The following PARD3 variants were observed in gnomAD, a reference collection of about 807,000 sequenced individuals.
PARD3 encodes the protein par-3 family cell polarity regulator, also known as partitioning defective 3 homolog.
A neutral mutation model predicts 155.4 loss-of-function variants in PARD3; 75 were observed. The observed-to-expected ratio is 0.48, with a 90% CI of 0.40 to 0.58. The LOEUF (loss-of-function observed/expected upper bound fraction) is 0.58. Among genes scored for constraint, PARD3 ranks in the 20% least tolerant of loss-of-function variants. The probability of loss-of-function intolerance (pLI) is 0.00; values close to 1 mark genes in which losing one functional copy is unlikely to be tolerated. For missense variants in PARD3, 1,642 were observed against 1,721.7 expected (o/e 0.95, Z 0.82); for synonymous variants, 576 against 610.5 (o/e 0.94, Z 0.83).
intron 2 of PARD3, among the ~76,000 whole-genome samples, chr10:34,671,961 G>A (rs1409983390): frequency 2.6e-5 from 4 of 151,960 alleles, no homozygotes; most frequent in Non-Finnish European, 5.9e-5. Context: ...GATTGCTGGA[G>A]GACAGGCATT....
chr10:34,431,785 C>CCTGTA (rs2075920925), intron 5 of PARD3, among the ~76,000 whole-genome samples: 1 of 134,136 alleles, frequency 7.5e-6, no homozygotes, highest in South Asian at 2.3e-4. Context: ...TATGGTGGCT[C>CCTGTA]ATGCCTGTAA....
chr10:34,614,704 T>C (rs527446581), intron 2 of PARD3, among the ~76,000 whole-genome samples: 1 of 152,224 alleles, frequency 6.6e-6, no homozygotes, highest in Non-Finnish European at 1.5e-5. Flanking sequence ...TTAAGTACAT[T>C]TCCTATTGCC....
intron 20 of PARD3, among the ~76,000 whole-genome samples, chr10:34,295,424 C>T (rs541082989): frequency 2.6e-5 from 4 of 152,190 alleles, no homozygotes; most frequent in African/African-American, 9.7e-5. Flanking sequence ...ATCCCATTTC[C>T]ATCTTCTCAG....
At chr10:34,155,234 T>G (rs1948950495) in intron 22 of PARD3, among the ~76,000 whole-genome samples, 1 of 152,176 alleles carries the variant, frequency 6.6e-6, no homozygotes, top group Admixed American at 6.5e-5. Flanking sequence ...GACTGGGGAC[T>G]GATTATTCTT....
At chr10:34,257,638 A>G (rs937363698) in intron 22 of PARD3, among the ~76,000 whole-genome samples, 1 of 152,206 alleles carries the variant, frequency 6.6e-6, no homozygotes, top group Non-Finnish European at 1.5e-5. Context: ...TTGCCTGCTA[A>G]CGACCAAAGT....
At chr10:34,788,103 G>T (rs945130256) in intron 1 of PARD3, among the ~76,000 whole-genome samples, 1 of 152,012 alleles carries the variant, frequency 6.6e-6, no homozygotes, top group Non-Finnish European at 1.5e-5. Flanking sequence ...CATTTATAAA[G>T]CACAAATGGG....
intron 1 of PARD3, among the ~76,000 whole-genome samples, chr10:34,802,794 T>C (rs1311806546): frequency 6.6e-6 from 1 of 152,114 alleles, no homozygotes; most frequent in Non-Finnish European, 1.5e-5. Context: ...CTAGTGAGAC[T>C]TAATCACTGG....
intron 22 of PARD3, among the ~76,000 whole-genome samples, chr10:34,159,523 T>A (rs1029044844): frequency 6.6e-6 from 1 of 152,216 alleles, no homozygotes; most frequent in Admixed American, 6.5e-5. Context: ...CAAAAAATTG[T>A]GGGAGATAGG....
chr10:34,384,052 T>A, intron 8 of PARD3, 77 bp downstream of exon 8: 1 of 1,425,458 alleles, frequency 7.0e-7, no homozygotes, highest in Non-Finnish European at 9.7e-7. Context: ...CACAGACATG[T>A]TTGAAGCATT....
At chr10:34,349,398 G>A (rs1028377023) in intron 14 of PARD3, among the ~76,000 whole-genome samples, 5 of 151,802 alleles carry the variant, frequency 3.3e-5, no homozygotes, top group African/African-American at 1.2e-4. Context: ...TAGTGAATTA[G>A]ACTCAATAAG....
At chr10:34,222,348 T>A (rs1952346123) in intron 22 of PARD3, among the ~76,000 whole-genome samples, 1 of 152,198 alleles carries the variant, frequency 6.6e-6, no homozygotes, top group Non-Finnish European at 1.5e-5. Context: ...TAAGGACAAC[T>A]AAGGCCTGCC....
At position 34,284,121 on chromosome 10, in the gene PARD3, T is replaced by G. The variant is rs1006495910; in HGVS notation, c.3176+14A>C. On this transcript the variant is annotated intron_variant, in intron 21 of 24. Coordinates refer to ENST00000374788, the MANE Select transcript of PARD3 (RefSeq NM_001184785.2). ...CTCTTTCTAAGGAGGTTTAATCAAG[T>G]AACTGAAGTCTACCTCTCCTGCTCC... 2 of 1,425,522 alleles carry G rather than the reference T, an allele frequency of 1.4e-6. No homozygotes were observed. Among genetic ancestry groups the G allele is most frequent in the African/African-American group, 2.9e-5 (2 of 69,976 alleles). 88.3% of individuals were successfully genotyped at this position (1,425,522 alleles called of 1,614,324 possible).
At chr10:34,592,457 C>T (rs1470018940) in intron 2 of PARD3, among the ~76,000 whole-genome samples, 1 of 152,136 alleles carries the variant, frequency 6.6e-6, no homozygotes, top group African/African-American at 2.4e-5. Context: ...CTCCATAGAG[C>T]ACCCCATACA....
intron 2 of PARD3, among the ~76,000 whole-genome samples, chr10:34,605,554 T>TA (rs1342431779): frequency 1.3e-5 from 1 of 75,070 alleles, no homozygotes; most frequent in East Asian, 2.9e-4. Context: ...TATATATATA[T>TA]ATCTCCTATA....
At chr10:34,519,820 A>AATAACATAACATAAC (rs59584708) in intron 2 of PARD3, among the ~76,000 whole-genome samples, 3,972 of 133,932 alleles carry the variant, frequency 0.03, 78 homozygotes, top group South Asian at 0.044. Flanking sequence ...TCTCAAAATA[A>AATAACATAACATAAC]ATAACATAAC....
chr10:34,396,978 T>C (rs1843409818), intron 7 of PARD3, among the ~76,000 whole-genome samples: 1 of 152,210 alleles, frequency 6.6e-6, no homozygotes, highest in South Asian at 2.1e-4. Flanking sequence ...ATTATATAAC[T>C]ATATCAACAT....
rs1008797453 is a variant in PARD3, at chr10:34,121,893, T to G, written c.3541-2153A>C. Reference sequence around the variant, plus strand: ...GTTCAAATAACACATCAGTGAGGCCTTCAGCAAGAAAAACACTTCGCTGAG... The same window carrying G: ...GTTCAAATAACACATCAGTGAGGCCGTCAGCAAGAAAAACACTTCGCTGAG... On this transcript the variant is annotated intron_variant, in intron 23 of 24. Transcript: ENST00000374788. 2.6e-5 allele frequency among the ~76,000 whole-genome samples: 4 copies of G among 152,244 alleles called. No individual in the cohort carries two copies. The South Asian group carries it at 8.3e-4, about 32-fold the overall frequency.
At chr10:34,741,351 G>A (rs1169150779) in intron 1 of PARD3, among the ~76,000 whole-genome samples, 2 of 151,060 alleles carry the variant, frequency 1.3e-5, no homozygotes, top group Non-Finnish European at 3.0e-5. Context: ...ATCTGGCTAA[G>A]TTTTTTTATT....
chr10:34,269,533 G>C, intron 22 of PARD3, 124 bp downstream of exon 22: 1 of 1,020,216 alleles, frequency 9.8e-7, no homozygotes, highest in Admixed American at 2.4e-5. Context: ...AGACACAACA[G>C]CTTTTTAAAG....
Sources: allele counts gnomAD v4.1 joint callset (sites outside exome capture counted in the v4.1 genomes callset), GRCh38; gene constraint gnomAD v4.1.1; transcripts MANE v1.5; gene names NCBI Gene and HGNC (gene_info 2026-07-23, HGNC 2026-07-21).